JAKMIP3: variants seen among roughly 807,000 people sequenced by gnomAD.
JAKMIP3 encodes the protein Janus kinase and microtubule interacting protein 3.
Under a neutral mutation model 118.5 loss-of-function variants are expected in JAKMIP3, and 58 were observed. The ratio of observed to expected loss-of-function variants is 0.49; its 90% confidence interval spans 0.40 to 0.61. The LOEUF (loss-of-function observed/expected upper bound fraction) is 0.61. JAKMIP3 is among the 20% of genes least tolerant of loss of function. The pLI is 0.00. For missense variants in JAKMIP3, 950 were observed against 1,109.0 expected (o/e 0.86, Z 2.04); for synonymous variants, 486 against 451.2 (o/e 1.08, Z -0.98).
chr10:132,152,942 C>G lies in JAKMIP3; in HGVS notation c.2008-16C>G, dbSNP rs1211145610. The G allele has an allele frequency of 1.3e-6, 2 of 1,596,566 alleles. No homozygotes were observed. Among genetic ancestry groups the G allele is most frequent in the South Asian group, 2.3e-5 (2 of 87,674 alleles). ...CACTGCTTCTGACCGCACCTGTGTT[C>G]TGCTTTTGGGTGCAGAACCTGACCA... On this transcript the variant is annotated splice_polypyrimidine_tract_variant and intron_variant, in intron 16 of 23. Coordinates refer to ENST00000684848, the MANE Select transcript of JAKMIP3 (RefSeq NM_001323087.2).
intron 11 of JAKMIP3, among the ~76,000 whole-genome samples, chr10:132,143,464 G>A (rs1200934384): frequency 6.6e-6 from 1 of 152,198 alleles, no homozygotes; most frequent in Non-Finnish European, 1.5e-5. Flanking sequence ...TCGGGTGCCA[G>A]AGAAACATTT....
chr10:132,157,311 CTG>C (rs1478485742), intron 19 of JAKMIP3, among the ~76,000 whole-genome samples: 2 of 152,136 alleles, frequency 1.3e-5, no homozygotes, highest in Non-Finnish European at 2.9e-5. Flanking sequence ...TTTCACCTGA[CTG>C]TGCACAGCCA....
chr10:132,089,263 A>T (rs1274431570), intron 1 of JAKMIP3, among the ~76,000 whole-genome samples: 1 of 152,140 alleles, frequency 6.6e-6, no homozygotes, highest in African/African-American at 2.4e-5. Flanking sequence ...TGGTAGCTTG[A>T]TGGGGATGGC....
intron 1 of JAKMIP3, among the ~76,000 whole-genome samples, chr10:132,095,347 G>A (rs1430348749): frequency 6.6e-6 from 1 of 152,206 alleles, no homozygotes; most frequent in Non-Finnish European, 1.5e-5. Flanking sequence ...ACCCCTCTGA[G>A]GTAAGGCAGA....
intron 23 of JAKMIP3, among the ~76,000 whole-genome samples, chr10:132,175,216 C>G (rs2060035899): frequency 6.6e-6 from 1 of 152,204 alleles, no homozygotes; most frequent in South Asian, 2.1e-4. Context: ...CCATTTCCTT[C>G]TAGAATCTGT....
chr10:132,083,729 T>C (rs10781552), intron 1 of JAKMIP3, among the ~76,000 whole-genome samples: 53,976 of 152,026 alleles, frequency 0.36, 10,020 homozygotes, highest in African/African-American at 0.47. Flanking sequence ...GATGAGGATC[T>C]AGTTTCATTC....
intron 1 of JAKMIP3, among the ~76,000 whole-genome samples, chr10:132,056,026 T>A (rs1250902896): frequency 6.6e-6 from 1 of 152,222 alleles, no homozygotes; most frequent in Non-Finnish European, 1.5e-5. Flanking sequence ...TGAGTCCGCC[T>A]GGGGACACAC....
At chr10:132,070,028 G>A (rs530432060) in intron 1 of JAKMIP3, among the ~76,000 whole-genome samples, 28 of 152,290 alleles carry the variant, frequency 1.8e-4, no homozygotes, top group Non-Finnish European at 2.8e-4. Context: ...CATCAGGAGC[G>A]GTGAGAGGTG....
intron 1 of JAKMIP3, among the ~76,000 whole-genome samples, chr10:132,045,347 G>A (rs1029225792): frequency 6.6e-6 from 1 of 152,084 alleles, no homozygotes; most frequent in African/African-American, 2.4e-5. Flanking sequence ...GATTTTGGGC[G>A]CGTCTCTGTC....
chr10:132,050,637 G>T (rs1271591761), intron 1 of JAKMIP3, among the ~76,000 whole-genome samples: 2 of 152,058 alleles, frequency 1.3e-5, no homozygotes, highest in Non-Finnish European at 2.9e-5. Context: ...AGGAGATTTG[G>T]GGGGGGTTGA....
chr10:132,100,819 CT>C (rs1351420900), intron 1 of JAKMIP3, among the ~76,000 whole-genome samples: 26 of 126,552 alleles, frequency 2.1e-4, no homozygotes, highest in African/African-American at 5.6e-4. Flanking sequence ...CCCATTCTCT[CT>C]GCATGAGGAA....
intron 3 of JAKMIP3, among the ~76,000 whole-genome samples, chr10:132,130,971 CTG>C (rs1037974493): frequency 1.3e-5 from 2 of 151,238 alleles, no homozygotes; most frequent in African/African-American, 2.4e-5. Context: ...CAGAGAGACA[CTG>C]TGCGGGGCAT....
At chr10:132,163,109 C>G in intron 19 of JAKMIP3, 100 bp from the exon 20 acceptor site, 1 of 1,179,654 alleles carries the variant, frequency 8.5e-7, no homozygotes. Context: ...TCCTCTTGGC[C>G]CTGCTCCCAG....
rs186550403 is a variant in JAKMIP3 at position 132,051,150 on chromosome 10, G to A, written c.-138+14412G>A. Among the ~76,000 whole-genome samples the A allele has an allele frequency of 4.7e-3, 670 of 142,202 alleles. 7 individuals carry two copies. Among genetic ancestry groups the A allele is most frequent in the African/African-American group, 0.017 (631 of 37,740 alleles). 93.3% of individuals were successfully genotyped at this position (142,202 alleles called of 152,430 possible). ...GGTACCTGCCTGTCTTTCCTGGCACGGTTGGTCTTGTTAATTCCAGCCATT... is the reference window on the plus strand; with the variant it reads ...GGTACCTGCCTGTCTTTCCTGGCACAGTTGGTCTTGTTAATTCCAGCCATT... On this transcript the variant is annotated intron_variant, in intron 1 of 23. Coordinates refer to the JAKMIP3 transcript ENST00000657785.
chr10:132,111,193 C>T (rs1256774824), intron 2 of JAKMIP3, among the ~76,000 whole-genome samples: 1 of 152,204 alleles, frequency 6.6e-6, no homozygotes, highest in Admixed American at 6.5e-5. Flanking sequence ...GGCCTCCTGC[C>T]CCCACAGGAA....
At chr10:132,157,216 C>T (rs1390529397) in intron 19 of JAKMIP3, among the ~76,000 whole-genome samples, 2 of 152,166 alleles carry the variant, frequency 1.3e-5, no homozygotes, top group Non-Finnish European at 2.9e-5. Context: ...TTCTCCTTCT[C>T]TGAAGTGCGG....
At chr10:132,159,425 C>G (rs1275972613) in intron 19 of JAKMIP3, among the ~76,000 whole-genome samples, 2 of 77,654 alleles carry the variant, frequency 2.6e-5, no homozygotes, top group South Asian at 1.1e-3. Context: ...CTGTGGATGC[C>G]GGGGGTGTGT....
intron 19 of JAKMIP3, among the ~76,000 whole-genome samples, chr10:132,160,183 T>TA (rs2057935751): frequency 1.1e-4 from 4 of 36,280 alleles, no homozygotes; most frequent in Non-Finnish European, 2.3e-4. Flanking sequence ...TGTGTGATGC[T>TA]GGGTGGGCCT....
At chr10:132,169,332 A>G (rs867704820) in intron 23 of JAKMIP3, among the ~76,000 whole-genome samples, 1 of 152,120 alleles carries the variant, frequency 6.6e-6, no homozygotes, top group Non-Finnish European at 1.5e-5. Context: ...GGGAAAAGGG[A>G]GAAACCCCGT....
Sources: gnomAD v4.1 joint callset for allele counts (sites outside exome capture counted in the v4.1 genomes callset) on GRCh38, gnomAD v4.1.1 for gene constraint, MANE v1.5 for transcripts, NCBI Gene and HGNC (gene_info 2026-07-23, HGNC 2026-07-21) for gene names.